The following CNTNAP2 variants were observed in gnomAD, a reference collection of about 807,000 sequenced individuals.
The protein encoded by CNTNAP2 is contactin associated protein 2.
In CNTNAP2, 98 loss-of-function variants were observed where a neutral mutation model predicts 155.2. The ratio of observed to expected loss-of-function variants is 0.63; its 90% CI spans 0.54 to 0.75. CNTNAP2 has a LOEUF of 0.75. Among genes scored for constraint, CNTNAP2 ranks in the 30% least tolerant of loss-of-function variants. The pLI is 0.00. For missense variants in CNTNAP2, 1,727 were observed against 1,688.1 expected (o/e 1.02, Z -0.40); for synonymous variants, 651 against 631.2 (o/e 1.03, Z -0.47).
At chr7:146,137,167 A>C (rs1349138757) in intron 1 of CNTNAP2, among the ~76,000 whole-genome samples, 2 of 152,170 alleles carry the variant, frequency 1.3e-5, no homozygotes, top group African/African-American at 2.4e-5. Flanking sequence ...AACAGAACTA[A>C]TATACTTCCA....
chr7:147,872,503 C>T (rs6947415), intron 13 of CNTNAP2, among the ~76,000 whole-genome samples: 5,918 of 152,272 alleles, frequency 0.039, 365 homozygotes, highest in African/African-American at 0.14. Context: ...CTGAGGGTGG[C>T]AGCAAGATGG....
rs529636197 is a variant in CNTNAP2, at chr7:148,347,636, A to G, written c.3476-36013A>G. ...GGTATTACAGTGAATATAGAGTTAA[A>G]TAATTTTAGTGTCCTGAAAACATTA... On this transcript the variant is annotated intron_variant, in intron 21 of 23. Transcript: ENST00000361727. Among the ~76,000 whole-genome samples, 5 of 152,364 alleles carry G rather than the reference A, an allele frequency of 3.3e-5. 1 individual carries two copies. In the South Asian group the frequency reaches 8.3e-4, roughly 25 times the overall value.
chr7:147,592,653 A>C (rs893799135), intron 12 of CNTNAP2, among the ~76,000 whole-genome samples: 13 of 152,208 alleles, frequency 8.5e-5, no homozygotes, highest in Non-Finnish European at 1.2e-4. Context: ...TTCACTGTTT[A>C]GAAAATATAA....
At chr7:147,725,576 A>T (rs760559416) in intron 13 of CNTNAP2, among the ~76,000 whole-genome samples, 1 of 152,078 alleles carries the variant, frequency 6.6e-6, no homozygotes, top group African/African-American at 2.4e-5. Flanking sequence ...CTGGAGTCCA[A>T]CTGCAGCTGT....
At chr7:146,505,052 C>A (rs1012473318) in intron 1 of CNTNAP2, among the ~76,000 whole-genome samples, 2 of 152,216 alleles carry the variant, frequency 1.3e-5, no homozygotes, top group African/African-American at 4.8e-5. Context: ...ACAGACATTA[C>A]AGGTCAGCCA....
intron 9 of CNTNAP2, among the ~76,000 whole-genome samples, chr7:147,387,597 T>C (rs1025624505): frequency 6.6e-6 from 1 of 152,158 alleles, no homozygotes; most frequent in Non-Finnish European, 1.5e-5. Context: ...TTTTTAAAAT[T>C]GGGGTACTTG....
At chr7:148,229,145 G>A (rs1529154) in intron 19 of CNTNAP2, among the ~76,000 whole-genome samples, 121,316 of 152,186 alleles carry the variant, frequency 0.8, 48,462 homozygotes, top group East Asian at 0.89. Flanking sequence ...GCTGTCAGCC[G>A]ATATGGGTCA....
intron 4 of CNTNAP2, among the ~76,000 whole-genome samples, chr7:147,072,840 C>A (rs1799920701): frequency 1.5e-5 from 2 of 132,750 alleles, no homozygotes; most frequent in East Asian, 4.9e-4. Flanking sequence ...TCCTTTTCTT[C>A]CTTTATTCTT....
intron 8 of CNTNAP2, among the ~76,000 whole-genome samples, chr7:147,164,133 T>A (rs1802077720): frequency 6.6e-6 from 1 of 152,220 alleles, no homozygotes; most frequent in African/African-American, 2.4e-5. Context: ...AAAACATAAT[T>A]GAAAGAACGT....
At chr7:146,561,047 C>A (rs559526380) in intron 1 of CNTNAP2, among the ~76,000 whole-genome samples, 216 of 152,294 alleles carry the variant, frequency 1.4e-3, no homozygotes, top group Non-Finnish European at 2.4e-3. Context: ...CACACAATCA[C>A]AAACATTTTT....
chr7:147,730,188 A>G (rs1228488342), intron 13 of CNTNAP2, among the ~76,000 whole-genome samples: 2 of 152,098 alleles, frequency 1.3e-5, no homozygotes, highest in Non-Finnish European at 2.9e-5. Context: ...CTTATGTCAA[A>G]TGTTCCAAGA....
At position 148,314,655 on chromosome 7, in the gene CNTNAP2, G is replaced by C. The variant is rs567097549; in HGVS notation, c.3475+47529G>C. Among the ~76,000 whole-genome samples the C allele has an allele frequency of 1.2e-3, 176 of 151,802 alleles. 1 individual carries two copies. Among genetic ancestry groups the C allele is most frequent in the Non-Finnish European group, 1.9e-3 (132 of 67,896 alleles). ...TGCCGCTGAGGGTGAAGGAGAAGGA[G>C]TTGGGGGGTTCTTGCCCCCCAGAAA... On this transcript the variant is annotated intron_variant, in intron 21 of 23. Coordinates refer to ENST00000361727, the MANE Select transcript of CNTNAP2 (RefSeq NM_014141.6).
At chr7:146,453,820 A>C (rs1014493254) in intron 1 of CNTNAP2, among the ~76,000 whole-genome samples, 1 of 152,178 alleles carries the variant, frequency 6.6e-6, no homozygotes, top group Non-Finnish European at 1.5e-5. Flanking sequence ...AAGATGAGTG[A>C]AGTTGAAGAC....
intron 13 of CNTNAP2, among the ~76,000 whole-genome samples, chr7:147,802,458 C>G (rs550070531): frequency 1.2e-4 from 18 of 152,256 alleles, no homozygotes; most frequent in African/African-American, 4.1e-4. Context: ...GAGCCGAGAT[C>G]AGGCCACTGC....
chr7:147,493,715 C>T (rs1167402420), intron 11 of CNTNAP2, among the ~76,000 whole-genome samples: 1 of 152,160 alleles, frequency 6.6e-6, no homozygotes, highest in Non-Finnish European at 1.5e-5. Flanking sequence ...CTCTTAGAAT[C>T]TAGCTTGGCA....
intron 14 of CNTNAP2, among the ~76,000 whole-genome samples, chr7:147,942,717 A>G (rs1246602401): frequency 2.6e-5 from 4 of 152,158 alleles, no homozygotes; most frequent in Admixed American, 2.6e-4. Context: ...CCAGCCTTCA[A>G]GTATGTGAAG....
rs570960816 is a variant in CNTNAP2, at chr7:147,953,765, C to T, written c.2256-24097C>T. 7.2e-5 allele frequency among the ~76,000 whole-genome samples: 11 copies of T among 152,180 alleles called. No homozygotes were observed. In the South Asian group the frequency reaches 1.7e-3, roughly 23 times the overall value. On this transcript the variant is annotated intron_variant, in intron 14 of 23. Transcript: ENST00000361727. The stretch of plus-strand genomic sequence containing the variant: ...CTCTCTCGTAGCTTCTGGTGGTTGC[C>T]GGAAACCCTTGGTGTTCTTGGCTTG...
chr7:146,584,377 G>C (rs541463768), intron 1 of CNTNAP2, among the ~76,000 whole-genome samples: 1 of 152,240 alleles, frequency 6.6e-6, no homozygotes, highest in African/African-American at 2.4e-5. Flanking sequence ...CTGTCAGAAG[G>C]GTACCTTTAG....
intron 21 of CNTNAP2, among the ~76,000 whole-genome samples, chr7:148,362,233 T>C (rs557504070): frequency 4.1e-4 from 62 of 150,844 alleles, no homozygotes; most frequent in African/African-American, 1.1e-3. Context: ...CCATCAGATC[T>C]CATGAGAACT....
Sources: gnomAD v4.1 joint callset for allele counts (sites outside exome capture counted in the v4.1 genomes callset) on GRCh38, gnomAD v4.1.1 for gene constraint, MANE v1.5 for transcripts, NCBI Gene and HGNC (gene_info 2026-07-23, HGNC 2026-07-21) for gene names.